PRDM2: variants seen among roughly 807,000 people sequenced by gnomAD.
PRDM2 encodes the protein PR domain zinc finger protein 2.
Under a neutral mutation model 130.0 loss-of-function variants are expected in PRDM2, and 30 were observed. The observed-to-expected ratio is 0.23, with a 90% CI of 0.17 to 0.31. PRDM2 has a LOEUF of 0.31. PRDM2 is among the 10% of genes least tolerant of loss of function. The pLI, the probability that PRDM2 is intolerant of heterozygous loss-of-function variation, is 1.00. For missense variants in PRDM2, 2,011 were observed against 2,108.4 expected (o/e 0.95, Z 0.90); for synonymous variants, 871 against 782.4 (o/e 1.11, Z -1.89).
At chr1:13,822,196 A>G (rs981666701) in intron 9 of PRDM2, among the ~76,000 whole-genome samples, 6 of 152,146 alleles carry the variant, frequency 3.9e-5, no homozygotes, top group African/African-American at 1.4e-4. Flanking sequence ...AATACCTATG[A>G]GAATGCTGAT....
intron 8 of PRDM2, among the ~76,000 whole-genome samples, chr1:13,798,745 C>T (rs779056665): frequency 6.6e-6 from 1 of 152,198 alleles, no homozygotes; most frequent in Non-Finnish European, 1.5e-5. Flanking sequence ...TCTCCTGACA[C>T]CTGACATCTC....
At chr1:13,787,246 A>G in intron 8 of PRDM2, 4 of 983,840 alleles carry the variant, frequency 4.1e-6, no homozygotes, top group Non-Finnish European at 4.8e-6. Flanking sequence ...ATGTAGCAAT[A>G]TATCAGTGCA....
At chr1:13,763,764 G>C (rs1644159353) in intron 6 of PRDM2, among the ~76,000 whole-genome samples, 1 of 152,064 alleles carries the variant, frequency 6.6e-6, no homozygotes, top group Admixed American at 6.6e-5. Context: ...ATGTAACCAA[G>C]TGCTCATCTG....
chr1:13,758,074 G>T (rs1644003141), intron 6 of PRDM2, among the ~76,000 whole-genome samples: 3 of 152,086 alleles, frequency 2.0e-5, no homozygotes, highest in Non-Finnish European at 4.4e-5. Flanking sequence ...AAAACTGCTT[G>T]AGTTTGTAGC....
At chr1:13,811,633 G>A (rs1419069733) in intron 8 of PRDM2, among the ~76,000 whole-genome samples, 2 of 152,222 alleles carry the variant, frequency 1.3e-5, no homozygotes, top group Non-Finnish European at 2.9e-5. Context: ...GGATTCCACT[G>A]TCAGCAAGAC....
At chr1:13,742,492 A>G (rs978010059) in intron 5 of PRDM2, among the ~76,000 whole-genome samples, 15 of 152,164 alleles carry the variant, frequency 9.9e-5, no homozygotes, top group African/African-American at 3.1e-4. Context: ...ACAAGCCACA[A>G]TGCCTGGGCC....
Position 13,773,058 on chromosome 1 carries a change from T to TA in PRDM2, c.512-12dup, listed in dbSNP as rs748866358. On this transcript the variant is annotated intron_variant, in intron 6 of 9. Coordinates refer to ENST00000311066, the MANE Select transcript of PRDM2 (RefSeq NM_001393986.1). ...ATAAAAAAAAAATGAATGAATAAAT[T>TA]AAAAAAAATTGTGTTTCAGGGAAGA... 2.7e-5 allele frequency: 36 copies of TA among 1,334,646 alleles called. No individual in the cohort carries two copies. Among genetic ancestry groups the TA allele is most frequent in the Admixed American group, 6.0e-5 (2 of 33,522 alleles). The allele number at this position is 1,334,646 out of a possible 1,614,324, so 82.7% of individuals were successfully genotyped here.
intron 5 of PRDM2, among the ~76,000 whole-genome samples, chr1:13,743,071 A>G (rs893323593): frequency 1.1e-4 from 16 of 152,114 alleles, no homozygotes; most frequent in African/African-American, 3.1e-4. Flanking sequence ...AGCAAAGGCC[A>G]TATCTCCCTC....
At position 13,732,899 on chromosome 1, in the gene PRDM2, ATT is replaced by A; in HGVS notation, c.231+18_231+19del. The A allele has an allele frequency of 6.9e-7, 1 of 1,454,718 alleles. No individual in the cohort carries two copies. Among genetic ancestry groups the A allele is most frequent in the Non-Finnish European group, 9.4e-7 (1 of 1,060,566 alleles). The allele number at this position is 1,454,718 out of a possible 1,614,324, so 90.1% of individuals were successfully genotyped here. On this transcript the variant is annotated intron_variant, in intron 4 of 9. Transcript: ENST00000311066. Reference sequence around the variant, plus strand: ...ATGTGGGAGGTAAGAAGTAATTCTGATTCTTTGTTTTTCAGAGTTTTATGAAA... The same window carrying A: ...ATGTGGGAGGTAAGAAGTAATTCTGACTTTGTTTTTCAGAGTTTTATGAAA...
intron 8 of PRDM2, among the ~76,000 whole-genome samples, chr1:13,795,084 C>T (rs971091959): frequency 2.0e-5 from 3 of 152,236 alleles, no homozygotes; most frequent in Non-Finnish European, 4.4e-5. Context: ...CTATCACCCC[C>T]TCCCTGTAAC....
chr1:13,809,739 C>G (rs1178771417), intron 8 of PRDM2, among the ~76,000 whole-genome samples: 1 of 152,172 alleles, frequency 6.6e-6, no homozygotes, highest in Non-Finnish European at 1.5e-5. Context: ...AGGCTGTGGT[C>G]CAGACCCCGT....
intron 6 of PRDM2, among the ~76,000 whole-genome samples, chr1:13,755,427 T>G (rs915753122): frequency 2.0e-5 from 3 of 152,200 alleles, no homozygotes; most frequent in African/African-American, 7.2e-5. Flanking sequence ...TGTCCATATG[T>G]AAATTGGAAG....
intron 8 of PRDM2, among the ~76,000 whole-genome samples, chr1:13,791,618 C>T (rs755638190): frequency 2.0e-5 from 3 of 152,076 alleles, no homozygotes; most frequent in Non-Finnish European, 4.4e-5. Flanking sequence ...TACGTTCTGC[C>T]GATACCTTAT....
In PRDM2 at chr1:13,779,329, C is replaced by T. The variant is rs777108092; in HGVS notation, c.1534C>T (p.Pro512Ser). The T allele has an allele frequency of 1.2e-6, 2 of 1,614,096 alleles. No individual in the cohort carries two copies. The change falls in exon 8 of 10, where the codon CCC (proline) becomes TCC (serine). Residue 512 changes from proline to serine, a missense_variant. Transcript: ENST00000311066. This position sits in a 1 kb window ranked among gnomAD's most constrained non-coding sequence, Gnocchi z 4.9. ...TAGAGTTCACGAACGTCATCTGATTCCCAAAGGTGTACGGCGAAAAGGAGG... is the reference window on the plus strand; with the variant it reads ...TAGAGTTCACGAACGTCATCTGATTTCCAAAGGTGTACGGCGAAAAGGAGG... ...QRRVHERHLI[P>S]KGVRRKGGLE... is the part of the protein sequence containing the mutation.
chr1:13,724,379 G>A (rs1372874516), intron 2 of PRDM2, among the ~76,000 whole-genome samples: 1 of 152,042 alleles, frequency 6.6e-6, no homozygotes, highest in Non-Finnish European at 1.5e-5. Context: ...TCTTGTGCCT[G>A]TTTGGGGAAA....
In PRDM2 at chr1:13,781,254, A is replaced by T. The variant is rs779708152; in HGVS notation, c.3459A>T (p.Leu1153Phe). ...CCATTAAAGATCTAACCAAACATTT[A>T]TCTATTCATGCTGAAGAATGGCCCT... ...FLSIKDLTKHLSIHAEEWPFK... is the reference protein window; with the variant it reads ...FLSIKDLTKHFSIHAEEWPFK... The change falls in exon 8 of 10, where the codon TTA becomes TTT. Residue 1153 changes from leucine to phenylalanine, a missense_variant. Around this residue, in one of 5 missense-constraint regions of PRDM2, gnomAD observed 229 missense variants for 364.1 expected, o/e 0.63. Transcript: ENST00000311066. The surrounding 1 kb of genome is among the most constrained non-coding windows in gnomAD (Gnocchi z 6.1). 1 of 1,614,242 alleles carries T rather than the reference A, an allele frequency of 6.2e-7. No homozygotes were observed. Among genetic ancestry groups the T allele is most frequent in the Non-Finnish European group, 8.5e-7 (1 of 1,180,044 alleles).
At chr1:13,710,806 G>C (rs2100398094) in intron 1 of PRDM2, among the ~76,000 whole-genome samples, 1 of 152,272 alleles carries the variant, frequency 6.6e-6, no homozygotes, top group East Asian at 1.9e-4. Flanking sequence ...AGAGCATTTG[G>C]CCGGGCGCGG....
chr1:13,725,361 C>T (rs1046787579), intron 2 of PRDM2, among the ~76,000 whole-genome samples: 6 of 152,232 alleles, frequency 3.9e-5, no homozygotes, highest in South Asian at 2.1e-4. Flanking sequence ...TGCGCCACCA[C>T]GCCCAGCTAG....
intron 8 of PRDM2, among the ~76,000 whole-genome samples, chr1:13,815,519 G>A (rs747719052): frequency 2.0e-5 from 3 of 152,068 alleles, no homozygotes; most frequent in South Asian, 2.1e-4. Flanking sequence ...CTTATTCTGG[G>A]CTTTTAATTC....
Sources: allele counts gnomAD v4.1 joint callset (sites outside exome capture counted in the v4.1 genomes callset), GRCh38; gene constraint gnomAD v4.1.1; regional missense constraint gnomAD v4.1.1; non-coding constraint Gnocchi (gnomAD v3.1); transcripts MANE v1.5; gene names NCBI Gene and HGNC (gene_info 2026-07-23, HGNC 2026-07-21).